Variants in OXLD1 observed in about 807,000 individuals in gnomAD.
The protein encoded by OXLD1 is oxidoreductase like domain containing 1.
In OXLD1, 4 loss-of-function variants were observed where a neutral mutation model predicts 3.1. The observed-to-expected ratio is 1.28, with a 90% CI of 0.63 to 2.92. The LOEUF (loss-of-function observed/expected upper bound fraction) is 2.92. Among genes scored for constraint, OXLD1 ranks in the 30% most tolerant of loss-of-function variants. OXLD1 has a pLI of 0.01. For synonymous variants in OXLD1, 100 were observed against 87.0 expected, an observed-to-expected ratio of 1.15 and a Z score of -0.83; for missense variants, 240 against 204.6, an observed-to-expected ratio of 1.17 and a Z score of -1.05.
chr17:81,665,319 T>C lies in OXLD1; in HGVS notation c.326A>G (p.Gln109Arg), dbSNP rs779407113. 5 of 1,613,348 alleles carry C rather than the reference T, an allele frequency of 3.1e-6. No homozygotes were observed. Among genetic ancestry groups the C allele is most frequent in the South Asian group, 2.2e-5 (2 of 91,084 alleles). The change falls in exon 2 of 2, where the codon CAG (glutamine) becomes CGG (arginine). Residue 109 changes from glutamine (Q) to arginine (R), a missense_variant. Physicochemically the swap from Gln to Arg is conservative, Grantham distance 43 (BLOSUM62 1). Coordinates refer to ENST00000374741, the MANE Select transcript of OXLD1 (RefSeq NM_001039842.3). ...CCGCTCCCCACCGTCCTGGAAGTGC[T>C]GCAGCAGCCTGTCCGCGTACTCCAC... ...VWVEYADRLL[Q>R]HFQDGGERAL...
chr17:81,666,570 A>C lies in OXLD1; in HGVS notation c.8T>G (p.Leu3Arg), dbSNP rs779049262. ...CCGGCCTCCCTCGACCACCCTCCGCAGCAGCATCGCCCGCGGACGGGATCC... is the reference window on the plus strand; with the variant it reads ...CCGGCCTCCCTCGACCACCCTCCGCCGCAGCATCGCCCGCGGACGGGATCC... ML[L>R]RRVVEGGRAV... Residue 3 changes from leucine (L) to arginine (R), a missense_variant, in exon 1 of 2, where the codon CTG becomes CGG. Transcript: ENST00000374741. 13 of 1,479,464 alleles carry C rather than the reference A, an allele frequency of 8.8e-6. No homozygotes were observed. The South Asian group carries it at 1.5e-4, about 18-fold the overall frequency. The allele number at this position is 1,479,464 out of a possible 1,614,324, so 91.6% of individuals were successfully genotyped here.
In OXLD1 at chr17:81,665,484, C is replaced by T. The variant is rs752069209; in HGVS notation, c.161G>A (p.Arg54His). ...TACGTGGTCTGTCCCGAATTTTCTGCGCCCATCAGGGGCTTGCGCTCCGGG... is the reference window on the plus strand; with the variant it reads ...TACGTGGTCTGTCCCGAATTTTCTGTGCCCATCAGGGGCTTGCGCTCCGGG... ...HHPGAQAPDG[R>H]RKFGTDHVEV... Residue 54 changes from arginine to histidine, a missense_variant, in exon 2 of 2, where the codon CGC becomes CAC. Arg to His is a conservative substitution (Grantham distance 29). Transcript: ENST00000374741. 9.9e-6 allele frequency: 16 copies of T among 1,613,220 alleles called. No homozygotes were observed. Among genetic ancestry groups the T allele is most frequent in the East Asian group, 2.2e-5 (1 of 44,864 alleles).
Position 81,665,420 on chromosome 17 carries a change from C to A in OXLD1, c.225G>T (p.Pro75=), listed in dbSNP as rs542522587. The A allele has an allele frequency of 5.0e-6, 8 of 1,613,344 alleles. No individual in the cohort carries two copies. Among genetic ancestry groups the A allele is most frequent in the Admixed American group, 1.7e-5 (1 of 59,994 alleles). Reference sequence around the variant, plus strand: ...GCTCAGGTGGCAGCGATGCCTTGGGCGGCCTGGTGCCGTCCGCACCTGCTT... The same window carrying A: ...GCTCAGGTGGCAGCGATGCCTTGGGAGGCCTGGTGCCGTCCGCACCTGCTT... ...GSQAGADGTR[P]PKASLPPELQ... Residue 75 remains proline (P), a synonymous_variant, in exon 2 of 2, where the codon CCG becomes CCT. Coordinates refer to ENST00000374741, the MANE Select transcript of OXLD1 (RefSeq NM_001039842.3).
chr17:81,666,200 G>A, intron 1 of OXLD1: 1 of 449,848 alleles, frequency 2.2e-6, no homozygotes, highest in Middle Eastern at 5.5e-4. Flanking sequence ...CCATGTCCAC[G>A]GCCAGTCCCC....
chr17:81,665,345 C>T lies in OXLD1; in HGVS notation c.300G>A (p.Trp100Ter). ...GCAGCAGCCTGTCCGCGTACTCCAC[C>T]CACACGCAGTTGGGGCAGCCACTCA... ...CCMSGCPNCV[W>*]VEYADRLLQH... Residue 100 changes from tryptophan (W) to a stop codon, truncating the protein, a stop_gained, in exon 2 of 2, where the codon TGG becomes TGA. Transcript: ENST00000374741. LOFTEE classifies it high-confidence loss of function. 1 of 1,613,490 alleles carries T rather than the reference C, an allele frequency of 6.2e-7. No homozygotes were observed. The highest frequency in any genetic ancestry group is 2.2e-5 in the East Asian group (1 of 44,874).
At chr17:81,666,205 GTCCCCAGAGCCCAGGAGGGCTCGCAC>G (rs1439932510) in intron 1 of OXLD1, 31 of 453,846 alleles carry the variant, frequency 6.8e-5, no homozygotes, top group Non-Finnish European at 9.4e-5. Flanking sequence ...TCCACGGCCA[GTCCCCAGAGCCCAGGAGGGCTCGCAC>G]ACAGGCGCTC....
At position 81,666,536 on chromosome 17, in the gene OXLD1, G is replaced by T; in HGVS notation, c.42C>A (p.Ala14=). The change falls in exon 1 of 2, where the codon GCC becomes GCA. Residue 14 remains alanine, a synonymous_variant. Transcript: ENST00000374741. The part of the protein sequence containing the change: ...RRVVEGGRAV[A]AAVRGSGARR... Reference sequence around the variant, plus strand: ...TACTTGCCGAGCCACGGACCGCGGCGGCTACCGCCCGGCCTCCCTCGACCA... The same window carrying T: ...TACTTGCCGAGCCACGGACCGCGGCTGCTACCGCCCGGCCTCCCTCGACCA... 1 of 1,524,380 alleles carries T rather than the reference G, an allele frequency of 6.6e-7. No homozygotes were observed. Among genetic ancestry groups the T allele is most frequent in the Non-Finnish European group, 8.7e-7 (1 of 1,144,956 alleles). 94.4% of individuals were successfully genotyped at this position (1,524,380 alleles called of 1,614,324 possible).
chr17:81,666,457 C>T, intron 1 of OXLD1, 61 bp downstream of exon 1: 2 of 1,514,050 alleles, frequency 1.3e-6, no homozygotes, highest in East Asian at 5.2e-5. Context: ...CGTGCGGGCC[C>T]CCGGACAGCG....
intron 1 of OXLD1, chr17:81,666,000 G>A: frequency 2.6e-6 from 1 of 390,244 alleles, no homozygotes; most frequent in Middle Eastern, 6.6e-4. Flanking sequence ...GGACCAACCG[G>A]AAGAATCGCA....
intron 1 of OXLD1, chr17:81,666,170 T>C (rs2036611269): frequency 4.5e-6 from 2 of 441,362 alleles, no homozygotes; most frequent in Admixed American, 4.2e-5. Context: ...TAACTAGTCC[T>C]GCGAGGGGCA....
rs753866278 is a variant in OXLD1, at chr17:81,666,566, C to T, written c.12G>A (p.Arg4=). The change falls in exon 1 of 2, where the codon CGG becomes CGA. Residue 4 remains arginine (R), a synonymous_variant. Transcript: ENST00000374741. The part of the protein sequence containing the change: MLL[R]RVVEGGRAVA... The stretch of plus-strand genomic sequence containing the variant: ...CCGCCCGGCCTCCCTCGACCACCCT[C>T]CGCAGCAGCATCGCCCGCGGACGGG... 75 of 1,491,762 alleles carry T rather than the reference C, an allele frequency of 5.0e-5. No individual in the cohort carries two copies. Among genetic ancestry groups the T allele is most frequent in the Non-Finnish European group, 6.5e-5 (73 of 1,126,028 alleles). The allele number at this position is 1,491,762 out of a possible 1,614,324, so 92.4% of individuals were successfully genotyped here. A position where few individuals can be genotyped will look rare whatever the true frequency, so the allele number is the denominator to read the frequency against.
Position 81,665,604 on chromosome 17 carries a change from T to A in OXLD1, c.61-20A>T, listed in dbSNP as rs929839304. On this transcript the variant is annotated intron_variant, in intron 1 of 1. Transcript: ENST00000374741. Reference sequence around the variant, plus strand: ...AGCCCCCTGAGGATGCAGACAAACATGTGACTCTCCAGGAAGCTGGTGAGG... The same window carrying A: ...AGCCCCCTGAGGATGCAGACAAACAAGTGACTCTCCAGGAAGCTGGTGAGG... The A allele has an allele frequency of 6.4e-7, 1 of 1,557,290 alleles. No individual in the cohort carries two copies. The highest frequency in any genetic ancestry group is 1.4e-5 in the African/African-American group (1 of 73,704).
At position 81,665,307 on chromosome 17, in the gene OXLD1, T is replaced by A; in HGVS notation, c.338A>T (p.Asp113Val). The A allele has an allele frequency of 6.2e-7, 1 of 1,613,532 alleles. No homozygotes were observed. The highest frequency in any genetic ancestry group is 1.1e-5 in the South Asian group (1 of 91,082). Reference protein sequence around the residue: ...YADRLLQHFQDGGERALAALE... With the variant: ...YADRLLQHFQVGGERALAALE... ...GGCAGCCAGGGCCCGCTCCCCACCG[T>A]CCTGGAAGTGCTGCAGCAGCCTGTC... Residue 113 changes from aspartate (D) to valine (V), a missense_variant, in exon 2 of 2, where the codon GAC becomes GTC. Coordinates refer to ENST00000374741, the MANE Select transcript of OXLD1 (RefSeq NM_001039842.3).
rs752409450 is a variant in OXLD1, at chr17:81,665,578, G to C, written c.67C>G (p.Arg23Gly). 5.1e-5 allele frequency: 80 copies of C among 1,583,372 alleles called. No homozygotes were observed. The Middle Eastern group carries it at 6.8e-4, about 13-fold the overall frequency. Residue 23 changes from arginine (R) to glycine (G), a missense_variant, in exon 2 of 2, where the codon CGC becomes GGC. Physicochemically the swap from Arg to Gly is moderately radical, Grantham distance 125. Transcript: ENST00000374741. ...VAAAVRGSGA[R>G]RFSSPDCCQR... ...CAGCAGTCCGGGCTGGAGAACCGGC[G>C]AGCCCCCTGAGGATGCAGACAAACA...
chr17:81,666,452 G>A, intron 1 of OXLD1, 66 bp downstream of exon 1: 1 of 1,505,714 alleles, frequency 6.6e-7, no homozygotes, highest in South Asian at 1.2e-5. Context: ...CGGTACGTGC[G>A]GGCCCCCGGA....
Position 81,665,231 on chromosome 17 carries a change from C to T in OXLD1, c.414G>A (p.Glu138=), listed in dbSNP as rs755487099. ...DENLKAFLRM[E]IRLHTRCGG is the part of the protein sequence containing the mutation. ...CTCCGCACCTGGTGTGCAGCCGGAT[C>T]TCCATCCTGAGGAAGGCCTTGAGGT... is the stretch of plus-strand genomic sequence containing the variant. The change falls in exon 2 of 2, where the codon GAG becomes GAA. Residue 138 remains glutamate (E), a synonymous_variant. Coordinates refer to ENST00000374741, the MANE Select transcript of OXLD1 (RefSeq NM_001039842.3). 1 of 1,612,938 alleles carries T rather than the reference C, an allele frequency of 6.2e-7. No individual in the cohort carries two copies. Among genetic ancestry groups the T allele is most frequent in the East Asian group, 2.2e-5 (1 of 44,868 alleles).
rs1235238798 is a variant in OXLD1 at position 81,665,237 on chromosome 17, C to T, written c.408G>A (p.Arg136=). Residue 136 remains arginine, a synonymous_variant, in exon 2 of 2, where the codon AGG becomes AGA. Transcript: ENST00000374741. ...ACCTGGTGTGCAGCCGGATCTCCAT[C>T]CTGAGGAAGGCCTTGAGGTTCTCAT... The part of the protein sequence containing the change: ...VADENLKAFL[R]MEIRLHTRCG... 5 of 1,613,012 alleles carry T rather than the reference C, an allele frequency of 3.1e-6. No individual in the cohort carries two copies. The Admixed American group carries it at 5.0e-5, about 16-fold the overall frequency.
chr17:81,665,411 T>G lies in OXLD1; in HGVS notation c.234A>C (p.Ala78=). 6.2e-7 allele frequency: 1 copy of G among 1,613,564 alleles called. No homozygotes were observed. Among genetic ancestry groups the G allele is most frequent in the Non-Finnish European group, 8.5e-7 (1 of 1,180,032 alleles). The part of the protein sequence containing the change: ...AGADGTRPPK[A]SLPPELQPPT... The stretch of plus-strand genomic sequence containing the variant: ...GCGGCTGGAGCTCAGGTGGCAGCGA[T>G]GCCTTGGGCGGCCTGGTGCCGTCCG... Residue 78 remains alanine (A), a synonymous_variant, in exon 2 of 2, where the codon GCA becomes GCC. Transcript: ENST00000374741.
Position 81,665,513 on chromosome 17 carries a change from G to A in OXLD1, c.132C>T (p.His44=), listed in dbSNP as rs746926719. The change falls in exon 2 of 2, where the codon CAC becomes CAT. Residue 44 remains histidine (H), a synonymous_variant. Transcript: ENST00000374741. Reference sequence around the variant, plus strand: ...CATCAGGGGCTTGCGCTCCGGGATGGTGCCTTTGAAGAAAGCTGCCACCTC... The same window carrying A: ...CATCAGGGGCTTGCGCTCCGGGATGATGCCTTTGAAGAAAGCTGCCACCTC... The part of the protein sequence containing the change: ...LPGGGSFLQR[H]HPGAQAPDGR... 1 of 1,611,394 alleles carries A rather than the reference G, an allele frequency of 6.2e-7. No homozygotes were observed. Among genetic ancestry groups the A allele is most frequent in the Non-Finnish European group, 8.5e-7 (1 of 1,178,680 alleles).
Sources: allele counts gnomAD v4.1 joint callset, GRCh38; gene constraint gnomAD v4.1.1; transcripts MANE v1.5; gene names NCBI Gene and HGNC (gene_info 2026-07-23, HGNC 2026-07-21).